Variants in IPP observed in about 807,000 individuals in gnomAD.
IPP encodes intracisternal A particle-promoted polypeptide.
IPP carries 41 observed loss-of-function variants against 64.1 expected under a neutral mutation model. The ratio of observed to expected loss-of-function variants is 0.64; its 90% CI spans 0.50 to 0.83. IPP has a LOEUF of 0.83. Among genes scored for constraint, IPP ranks in the 40% least tolerant of loss-of-function variants. The pLI, the probability that IPP is intolerant of heterozygous loss-of-function variation, is 0.00. For synonymous variants in IPP, 214 were observed against 235.2 expected (o/e 0.91, Z 0.83); for missense variants, 649 against 703.0 (o/e 0.92, Z 0.87).
chr1:45,735,558 G>A (rs1471144002), intron 3 of IPP, among the ~76,000 whole-genome samples: 30 of 123,894 alleles, frequency 2.4e-4, no homozygotes, highest in Non-Finnish European at 3.0e-4. Context: ...CTGCAGCCTC[G>A]ACCTCCTTGG....
intron 3 of IPP, among the ~76,000 whole-genome samples, chr1:45,740,423 C>T (rs1359652171): frequency 6.6e-5 from 10 of 152,330 alleles, no homozygotes; most frequent in African/African-American, 2.4e-4. Flanking sequence ...CCCTCACCTC[C>T]CGGACGGGGC....
chr1:45,696,015 C>A (rs181992257), downstream of IPP, among the ~76,000 whole-genome samples: 241 of 152,232 alleles, frequency 1.6e-3, no homozygotes, highest in Non-Finnish European at 2.9e-3. Flanking sequence ...CAATCTGATT[C>A]TACTCAGATT....
At chr1:45,735,059 C>T (rs1288163075) in intron 3 of IPP, among the ~76,000 whole-genome samples, 5 of 151,774 alleles carry the variant, frequency 3.3e-5, no homozygotes, top group Non-Finnish European at 4.4e-5. Flanking sequence ...GGATTACAGG[C>T]GTGAGCCACT....
intron 5 of IPP, among the ~76,000 whole-genome samples, chr1:45,721,966 G>C (rs1035458449): frequency 1.3e-5 from 2 of 152,182 alleles, no homozygotes; most frequent in Non-Finnish European, 1.5e-5. Flanking sequence ...CTACTTGGGA[G>C]GCTGAGGCAG....
Position 45,728,751 on chromosome 1 carries a change from C to T in IPP, c.880+863G>A, listed in dbSNP as rs146540308. On this transcript the variant is annotated intron_variant, in intron 4 of 8. Coordinates refer to ENST00000396478, the MANE Select transcript of IPP (RefSeq NM_005897.3). ...GCTCACACCATCCTCCCACCTCAGC[C>T]TTCCAAAGTGCTGGGATTACAGGCC... Among the ~76,000 whole-genome samples the T allele has an allele frequency of 5.5e-4, 84 of 152,226 alleles. No individual in the cohort carries two copies. In the East Asian group the frequency reaches 0.013, roughly 24 times the overall value.
chr1:45,743,335 T>C (rs534667276), intron 2 of IPP, among the ~76,000 whole-genome samples: 1 of 151,246 alleles, frequency 6.6e-6, no homozygotes, highest in South Asian at 2.1e-4. Context: ...CCTCCCAGGT[T>C]CAAGCAATTC....
intron 8 of IPP, among the ~76,000 whole-genome samples, chr1:45,702,244 CTTTATTTTTGA>C (rs1180494271): frequency 1.3e-5 from 2 of 151,232 alleles, no homozygotes; most frequent in Non-Finnish European, 1.5e-5. Context: ...ATTTTTATTA[CTTTATTTTTGA>C]TTTAATTGAC....
At chr1:45,749,023 C>T (rs1321611645) in intron 1 of IPP, among the ~76,000 whole-genome samples, 1 of 151,880 alleles carries the variant, frequency 6.6e-6, no homozygotes, top group Non-Finnish European at 1.5e-5. Flanking sequence ...TGTATTTGGC[C>T]CTACACAGAA....
Position 45,746,997 on chromosome 1 carries a change from T to C in IPP, c.-50-536A>G, listed in dbSNP as rs1646142933. Among the ~76,000 whole-genome samples the C allele has an allele frequency of 4.6e-5, 7 of 152,182 alleles. No homozygotes were observed. The South Asian group carries it at 1.4e-3, about 32-fold the overall frequency. The stretch of plus-strand genomic sequence containing the variant: ...CTCCTCTGGAATTGTGGAAATATGT[T>C]CCCAAACTCATCTGAGTTTGTTGCT... On this transcript the variant is annotated intron_variant, in intron 1 of 8. Coordinates refer to ENST00000396478, the MANE Select transcript of IPP (RefSeq NM_005897.3).
intron 7 of IPP, among the ~76,000 whole-genome samples, chr1:45,715,117 C>A (rs1341948300): frequency 2.0e-5 from 3 of 146,898 alleles, no homozygotes; most frequent in African/African-American, 7.6e-5. Flanking sequence ...ATGGCTTGAG[C>A]GTGGGAGGCA....
chr1:45,741,064 C>A lies in IPP; in HGVS notation c.561G>T (p.Leu187Phe), dbSNP rs1308484538. 5.0e-6 allele frequency: 8 copies of A among 1,614,150 alleles called. No homozygotes were observed. Among genetic ancestry groups the A allele is most frequent in the Non-Finnish European group, 6.8e-6 (8 of 1,180,016 alleles). Residue 187 changes from leucine to phenylalanine, a missense_variant, in exon 3 of 9, where the codon TTG (leucine) becomes TTT (phenylalanine). Transcript: ENST00000396478. ...ALTKDQLIKI[L>F]RSEELSIEDE... Reference sequence around the variant, plus strand: ...CCTCAATGCTAAGCTCTTCACTTCGCAAAATTTTGATCAGCTGATCTTTCG... The same window carrying A: ...CCTCAATGCTAAGCTCTTCACTTCGAAAAATTTTGATCAGCTGATCTTTCG...
At chr1:45,722,058 C>G (rs1268216331) in intron 5 of IPP, among the ~76,000 whole-genome samples, 2 of 149,620 alleles carry the variant, frequency 1.3e-5, no homozygotes, top group African/African-American at 4.9e-5. Flanking sequence ...CAGAGTGAGA[C>G]TCCGTTTCAA....
At chr1:45,747,861 A>AAC (rs1646160989) in intron 1 of IPP, among the ~76,000 whole-genome samples, 1 of 128,850 alleles carries the variant, frequency 7.8e-6, no homozygotes, top group Non-Finnish European at 1.7e-5. Flanking sequence ...AAAAAAAAAA[A>AAC]AAAAAACCAT....
chr1:45,724,885 G>A (rs1255648534), intron 5 of IPP, among the ~76,000 whole-genome samples: 7 of 149,166 alleles, frequency 4.7e-5, no homozygotes, highest in Non-Finnish European at 9.0e-5. Flanking sequence ...CGGGGAGGGA[G>A]GTGGGGGGGG....
At position 45,698,829 on chromosome 1, in the gene IPP, C is replaced by A. The variant is rs1645412289; in HGVS notation, c.*1137G>T. Reference sequence around the variant, plus strand: ...GACCTCCTGGGCTCAAGTGATCCTGCAACCTCAGCCTCCCAAGCAGATGGG... The same window carrying A: ...GACCTCCTGGGCTCAAGTGATCCTGAAACCTCAGCCTCCCAAGCAGATGGG... On this transcript the variant is annotated 3_prime_UTR_variant, in exon 9 of 9. Coordinates refer to ENST00000396478, the MANE Select transcript of IPP (RefSeq NM_005897.3). 2 of 301,680 alleles carry A rather than the reference C, an allele frequency of 6.6e-6. No individual in the cohort carries two copies. Among genetic ancestry groups the A allele is most frequent in the Non-Finnish European group, 9.7e-6 (2 of 206,232 alleles). The allele number at this position is 301,680 out of a possible 1,614,324, so 18.7% of individuals were successfully genotyped here. A position where few individuals can be genotyped will look rare whatever the true frequency, so the allele number is the denominator to read the frequency against.
rs1161653627 is a variant in IPP at position 45,714,303 on chromosome 1, T to C, written c.1473A>G (p.Gly491=). Residue 491 remains glycine (G), a synonymous_variant, in exon 8 of 9, where the codon GGA becomes GGG. Transcript: ENST00000396478. ...AALNDCIYSV[G]GWNETQDALH... Reference sequence around the variant, plus strand: ...GAGCATCTTGGGTCTCATTCCATCCTCCAACAGAATAGATGCAGTCATTGA... The same window carrying C: ...GAGCATCTTGGGTCTCATTCCATCCCCCAACAGAATAGATGCAGTCATTGA... 1.2e-6 allele frequency: 2 copies of C among 1,614,042 alleles called. No homozygotes were observed. The highest frequency in any genetic ancestry group is 2.7e-5 in the African/African-American group (2 of 74,932).
At chr1:45,703,161 T>TA (rs1273440510) in intron 8 of IPP, among the ~76,000 whole-genome samples, 1 of 151,102 alleles carries the variant, frequency 6.6e-6, no homozygotes, top group Non-Finnish European at 1.5e-5. Flanking sequence ...AATCATGACT[T>TA]ACTGCATCCT....
chr1:45,703,550 T>G (rs1233438403), intron 8 of IPP, among the ~76,000 whole-genome samples: 3 of 151,664 alleles, frequency 2.0e-5, no homozygotes, highest in African/African-American at 7.3e-5. Flanking sequence ...CAAGTGAATT[T>G]GAGAGACTTG....
intron 3 of IPP, among the ~76,000 whole-genome samples, chr1:45,735,820 T>A (rs1251663971): frequency 1.8e-4 from 11 of 61,818 alleles, no homozygotes; most frequent in Middle Eastern, 8.9e-3. Flanking sequence ...TTAAAAAAAA[T>A]TTTTTTGTAG....
Sources: allele counts gnomAD v4.1 joint callset (sites outside exome capture counted in the v4.1 genomes callset), GRCh38; gene constraint gnomAD v4.1.1; transcripts MANE v1.5; gene names NCBI Gene and HGNC (gene_info 2026-07-23, HGNC 2026-07-21).